Variants in ADAM23 observed in about 807,000 individuals in gnomAD.
The protein encoded by ADAM23 is ADAM metallopeptidase domain 23, also known as disintegrin and metalloproteinase domain-containing protein 23.
In ADAM23, 33 loss-of-function variants were observed where a neutral mutation model predicts 120.1. The ratio of observed to expected loss-of-function variants is 0.27; its 90% CI spans 0.21 to 0.37. The LOEUF (loss-of-function observed/expected upper bound fraction) is 0.37. Among genes scored for constraint, ADAM23 ranks in the 10% least tolerant of loss-of-function variants. ADAM23 has a pLI of 1.00. For synonymous variants in ADAM23, 367 were observed against 375.2 expected, an observed-to-expected ratio of 0.98 and a Z score of 0.25; for missense variants, 862 against 1,058.2, an observed-to-expected ratio of 0.81 and a Z score of 2.57.
chr2:206,573,083 G>A (rs1698037485), intron 17 of ADAM23, 32 bp from the exon 18 acceptor site: 1 of 1,602,818 alleles, frequency 6.2e-7, no homozygotes, highest in South Asian at 1.1e-5. Context: ...ATTATGTAAT[G>A]CTAACTCTTA....
intron 18 of ADAM23, among the ~76,000 whole-genome samples, chr2:206,585,291 G>C (rs779567530): frequency 6.6e-6 from 1 of 152,172 alleles, no homozygotes; most frequent in Non-Finnish European, 1.5e-5. Flanking sequence ...AATGATAGTT[G>C]ATTAATGAGA....
intron 11 of ADAM23, among the ~76,000 whole-genome samples, chr2:206,560,473 C>T (rs1167623621): frequency 6.6e-6 from 1 of 152,102 alleles, no homozygotes; most frequent in South Asian, 2.1e-4. Flanking sequence ...AGCAGGTTTC[C>T]TGAAAGCTTG....
intron 3 of ADAM23, among the ~76,000 whole-genome samples, chr2:206,522,108 G>GTT (rs1170350347): frequency 1.3e-5 from 2 of 151,288 alleles, no homozygotes; most frequent in East Asian, 1.9e-4. Flanking sequence ...TTATTCATAG[G>GTT]TTATATATAT....
chr2:206,507,200 G>C (rs1435168304), intron 3 of ADAM23, among the ~76,000 whole-genome samples: 2 of 152,122 alleles, frequency 1.3e-5, no homozygotes, highest in African/African-American at 2.4e-5. Context: ...ATGCTTGCAT[G>C]GTAGGTGATA....
intron 12 of ADAM23, among the ~76,000 whole-genome samples, chr2:206,561,977 T>G (rs1302860047): frequency 6.6e-6 from 1 of 152,210 alleles, no homozygotes; most frequent in African/African-American, 2.4e-5. Flanking sequence ...ATTTTATGTT[T>G]CAATGTGAGA....
At chr2:206,515,916 A>C (rs1221928197) in intron 3 of ADAM23, among the ~76,000 whole-genome samples, 3 of 151,642 alleles carry the variant, frequency 2.0e-5, no homozygotes, top group Non-Finnish European at 4.4e-5. Flanking sequence ...ATTTTGTCTC[A>C]TACTCAAAAT....
chr2:206,599,682 G>T (rs1045432289), intron 24 of ADAM23, among the ~76,000 whole-genome samples: 1 of 152,180 alleles, frequency 6.6e-6, no homozygotes. Context: ...AAAAGATAGC[G>T]TATGCTTGGC....
chr2:206,565,618 A>G (rs781389596), intron 14 of ADAM23, among the ~76,000 whole-genome samples: 6 of 152,206 alleles, frequency 3.9e-5, no homozygotes, highest in Non-Finnish European at 7.4e-5. Context: ...CAGCTTCCCC[A>G]GAGCTGCTGT....
At chr2:206,517,713 C>T (rs1378429697) in intron 3 of ADAM23, among the ~76,000 whole-genome samples, 1 of 152,120 alleles carries the variant, frequency 6.6e-6, no homozygotes, top group Non-Finnish European at 1.5e-5. Flanking sequence ...GAGTTACCAA[C>T]CTTGGTGTGG....
intron 3 of ADAM23, among the ~76,000 whole-genome samples, chr2:206,502,701 T>C (rs890128765): frequency 1.3e-5 from 2 of 152,166 alleles, no homozygotes; most frequent in African/African-American, 4.8e-5. Context: ...TCCCTGACCA[T>C]ATCCTAATGA....
chr2:206,565,219 C>A, intron 14 of ADAM23, 151 bp downstream of exon 14: 1 of 691,284 alleles, frequency 1.4e-6, no homozygotes, highest in Non-Finnish European at 2.3e-6. Flanking sequence ...ACTGAAAGAT[C>A]TAATTTACTT....
chr2:206,449,874 G>A (rs182253659), intron 2 of ADAM23, among the ~76,000 whole-genome samples: 6 of 152,328 alleles, frequency 3.9e-5, no homozygotes, highest in South Asian at 2.1e-4. Context: ...ACGATGCATA[G>A]CACCGGACCT....
At chr2:206,496,084 C>T (rs1239410904) in intron 3 of ADAM23, among the ~76,000 whole-genome samples, 1 of 152,070 alleles carries the variant, frequency 6.6e-6, no homozygotes, top group African/African-American at 2.4e-5. Context: ...CAATATTAGA[C>T]AGATCAATGA....
At chr2:206,566,461 G>A (rs1156399929) in intron 14 of ADAM23, among the ~76,000 whole-genome samples, 1 of 145,174 alleles carries the variant, frequency 6.9e-6, no homozygotes, top group African/African-American at 2.7e-5. Context: ...GAATAGGTGT[G>A]CGTGTGTGTG....
rs571312392 is a variant in ADAM23, at chr2:206,533,021, CAT to C, written c.573+2086_573+2087del. ...TAAATTCATATTCCCACCACCATTA[CAT>C]ATATATATATATTTTTAAAGCATTT... On this transcript the variant is annotated intron_variant, in intron 4 of 25. Coordinates refer to ENST00000264377, the MANE Select transcript of ADAM23 (RefSeq NM_003812.4). 1.1e-4 allele frequency among the ~76,000 whole-genome samples: 17 copies of C among 151,098 alleles called. No individual in the cohort carries two copies. In the East Asian group the frequency reaches 2.1e-3, roughly 19 times the overall value.
At chr2:206,511,645 T>C (rs1304996913) in intron 3 of ADAM23, among the ~76,000 whole-genome samples, 1 of 152,180 alleles carries the variant, frequency 6.6e-6, no homozygotes, top group Non-Finnish European at 1.5e-5. Context: ...ACTTTCACAT[T>C]TCTTCACTTC....
intron 3 of ADAM23, among the ~76,000 whole-genome samples, chr2:206,490,714 CACCCTTTCCTGTCTGCTTCTAA>C (rs1160822157): frequency 6.6e-6 from 1 of 152,148 alleles, no homozygotes; most frequent in Admixed American, 6.5e-5. Flanking sequence ...CTCCTGAAGC[CACCCTTTCCTGTCTGCTTCTAA>C]ACTTTTTAAT....
intron 3 of ADAM23, among the ~76,000 whole-genome samples, chr2:206,528,984 A>G (rs1228187524): frequency 2.0e-5 from 3 of 152,176 alleles, no homozygotes; most frequent in Non-Finnish European, 4.4e-5. Context: ...ATTCCTAGTG[A>G]TAGAGCCCAA....
intron 25 of ADAM23, 126 bp from the exon 26 acceptor site, chr2:206,617,453 T>G: frequency 9.6e-7 from 1 of 1,040,210 alleles, no homozygotes; most frequent in South Asian, 2.3e-5. Context: ...TGCCTCCATG[T>G]GAGTTAATTA....
Sources: allele counts gnomAD v4.1 joint callset (sites outside exome capture counted in the v4.1 genomes callset), GRCh38; gene constraint gnomAD v4.1.1; transcripts MANE v1.5; gene names NCBI Gene and HGNC (gene_info 2026-07-23, HGNC 2026-07-21).